Variants in ZFHX3 observed in about 807,000 individuals in gnomAD.
ZFHX3 encodes zinc finger homeobox protein 3.
A neutral mutation model predicts 279.1 loss-of-function variants in ZFHX3; 42 were observed. That is an observed-to-expected ratio of 0.15 (90% CI 0.12 to 0.19). ZFHX3 has a LOEUF of 0.19. Ranked by LOEUF, ZFHX3 falls within the 10% of genes least tolerant of loss-of-function variation. The probability of loss-of-function intolerance (pLI) is 1.00; values close to 1 mark genes in which losing one functional copy is unlikely to be tolerated. For synonymous variants in ZFHX3, 2,293 were observed against 1,957.8 expected (o/e 1.17, Z -4.52); for missense variants, 4,981 against 4,754.0 (o/e 1.05, Z -1.40).
intron 2 of ZFHX3, among the ~76,000 whole-genome samples, chr16:73,672,210 T>C (rs933962417): frequency 6.6e-6 from 1 of 152,178 alleles, no homozygotes; most frequent in East Asian, 1.9e-4. Flanking sequence ...AGGAAGCATA[T>C]TCCCATCTCA....
chr16:73,341,537 G>T (rs1479350251), intron 3 of ZFHX3, among the ~76,000 whole-genome samples: 1 of 152,146 alleles, frequency 6.6e-6, no homozygotes, highest in Non-Finnish European at 1.5e-5. Context: ...TACTCACAGA[G>T]TTGCCATATG....
chr16:73,728,568 A>G (rs1038867), intron 1 of ZFHX3, among the ~76,000 whole-genome samples: 12,419 of 152,110 alleles, frequency 0.082, 560 homozygotes, highest in African/African-American at 0.11. Context: ...AGTCTCCTAT[A>G]CGATAACTCT....
At chr16:73,213,610 G>C (rs1597223414) in intron 5 of ZFHX3, among the ~76,000 whole-genome samples, 1 of 152,126 alleles carries the variant, frequency 6.6e-6, no homozygotes, top group East Asian at 1.9e-4. Context: ...CCGCAGTTTG[G>C]GGACATTCAG....
At chr16:73,549,775 T>A (rs548604718) in intron 2 of ZFHX3, among the ~76,000 whole-genome samples, 98 of 152,340 alleles carry the variant, frequency 6.4e-4, no homozygotes, top group African/African-American at 2.3e-3. Flanking sequence ...GCAGAAAATA[T>A]TCACCACAAC....
intron 2 of ZFHX3, among the ~76,000 whole-genome samples, chr16:73,578,268 T>C (rs975730040): frequency 6.6e-6 from 1 of 152,140 alleles, no homozygotes; most frequent in Admixed American, 6.5e-5. Flanking sequence ...TTGGATTTTC[T>C]ATACACATTT....
intron 5 of ZFHX3, among the ~76,000 whole-genome samples, chr16:73,202,509 G>A (rs1395810491): frequency 1.3e-5 from 2 of 152,156 alleles, no homozygotes; most frequent in Non-Finnish European, 1.5e-5. Context: ...TAAAACCATC[G>A]CTATGGCAGG....
At chr16:73,225,374 G>A (rs374851213) in intron 5 of ZFHX3, among the ~76,000 whole-genome samples, 21 of 152,142 alleles carry the variant, frequency 1.4e-4, no homozygotes, top group East Asian at 7.7e-4. Context: ...CCAGCACCTT[G>A]TGAGGCCGAG....
intron 7 of ZFHX3, among the ~76,000 whole-genome samples, chr16:73,114,530 C>G (rs576479646): frequency 6.6e-6 from 1 of 151,766 alleles, no homozygotes; most frequent in South Asian, 2.1e-4. Flanking sequence ...GATTTAAAAA[C>G]TAGCCAGGCA....
chr16:72,952,297 C>T (rs1597006642), intron 2 of ZFHX3, among the ~76,000 whole-genome samples: 1 of 152,196 alleles, frequency 6.6e-6, no homozygotes, highest in East Asian at 1.9e-4. Flanking sequence ...CTCACTGCTG[C>T]CCTCTGGTCA....
intron 1 of ZFHX3, among the ~76,000 whole-genome samples, chr16:73,704,333 C>T (rs182241307): frequency 6.6e-6 from 1 of 152,322 alleles, no homozygotes; most frequent in Admixed American, 6.5e-5. Context: ...CACCATGCAA[C>T]TGTTCTTCAG....
At chr16:72,807,608 A>G (rs763351079) in intron 7 of ZFHX3, 1 of 152,212 alleles carries the variant, frequency 6.6e-6, no homozygotes, top group Non-Finnish European at 1.5e-5. Context: ...GAACAGAAAG[A>G]CGTTGTGTAG....
intron 3 of ZFHX3, among the ~76,000 whole-genome samples, chr16:73,419,823 T>C (rs2017680662): frequency 6.6e-6 from 1 of 152,158 alleles, no homozygotes; most frequent in South Asian, 2.1e-4. Flanking sequence ...TTTTTGAATC[T>C]AATGATACTA....
At chr16:73,279,934 G>A (rs2014414525) in intron 4 of ZFHX3, among the ~76,000 whole-genome samples, 1 of 152,184 alleles carries the variant, frequency 6.6e-6, no homozygotes, top group African/African-American at 2.4e-5. Context: ...ATAGACTAAT[G>A]GAGCAGAATA....
At chr16:73,112,337 G>T (rs372211223) in intron 7 of ZFHX3, among the ~76,000 whole-genome samples, 2 of 152,112 alleles carry the variant, frequency 1.3e-5, no homozygotes, top group South Asian at 2.1e-4. Context: ...GAAGGGCAGG[G>T]CCTGTGAGGC....
At chr16:73,710,592 T>C (rs576485502) in intron 1 of ZFHX3, among the ~76,000 whole-genome samples, 1 of 152,182 alleles carries the variant, frequency 6.6e-6, no homozygotes, top group African/African-American at 2.4e-5. Context: ...TTCAGTTCTC[T>C]GAACCTCCAT....
chr16:73,248,664 T>TGTGTGTGTGTGTGC (rs1334266459), intron 5 of ZFHX3, among the ~76,000 whole-genome samples: 5 of 150,110 alleles, frequency 3.3e-5, no homozygotes, highest in East Asian at 3.9e-4. Flanking sequence ...TGTGTGTGTG[T>TGTGTGTGTGTGTGC]GCACGTGCAC....
intron 5 of ZFHX3, among the ~76,000 whole-genome samples, chr16:73,249,572 G>A (rs1164312098): frequency 6.6e-6 from 1 of 152,148 alleles, no homozygotes; most frequent in Non-Finnish European, 1.5e-5. Context: ...CCAAGATTCA[G>A]TTATCTCCCA....
intron 1 of ZFHX3, among the ~76,000 whole-genome samples, chr16:73,684,532 C>G (rs571158105): frequency 6.6e-6 from 1 of 152,116 alleles, no homozygotes; most frequent in African/African-American, 2.4e-5. Flanking sequence ...TAATGGCTTC[C>G]CAAACATACC....
chr16:73,619,598 T>C (rs988786118), intron 2 of ZFHX3, among the ~76,000 whole-genome samples: 1 of 151,978 alleles, frequency 6.6e-6, no homozygotes, highest in African/African-American at 2.4e-5. Context: ...TAATGTCTCA[T>C]GATGGACATC....
Sources: allele counts gnomAD v4.1 joint callset (sites outside exome capture counted in the v4.1 genomes callset), GRCh38; gene constraint gnomAD v4.1.1; transcripts MANE v1.5; gene names NCBI Gene and HGNC (gene_info 2026-07-23, HGNC 2026-07-21).